Variants in CDIP1 observed in about 807,000 individuals in gnomAD.
CDIP1 encodes the protein cell death-inducing p53-target protein 1.
Under a neutral mutation model 17.7 loss-of-function variants are expected in CDIP1, and 9 were observed. That is an observed-to-expected ratio of 0.51 (90% CI 0.31 to 0.89). CDIP1 has a LOEUF of 0.89. Among genes scored for constraint, CDIP1 ranks in the 40% least tolerant of loss-of-function variants. CDIP1 has a pLI of 0.05. For missense variants in CDIP1, 263 were observed against 277.9 expected, an observed-to-expected ratio of 0.95 and a Z score of 0.38; for synonymous variants, 117 against 109.5, an observed-to-expected ratio of 1.07 and a Z score of -0.43.
chr16:4,531,379 C>G (rs1358883911), intron 1 of CDIP1, among the ~76,000 whole-genome samples: 1 of 151,714 alleles, frequency 6.6e-6, no homozygotes, highest in Non-Finnish European at 1.5e-5. Flanking sequence ...GCCATGGTCT[C>G]AAACTCCTGA....
At chr16:4,526,074 C>T (rs1313310591) in intron 1 of CDIP1, among the ~76,000 whole-genome samples, 1 of 152,208 alleles carries the variant, frequency 6.6e-6, no homozygotes, top group Non-Finnish European at 1.5e-5. Context: ...CCCAACCCTA[C>T]ATGCTCCTCC....
At position 4,527,512 on chromosome 16, in the gene CDIP1, T is replaced by G. The variant is rs146738997; in HGVS notation, c.-105+11190A>C. On this transcript the variant is annotated intron_variant, in intron 1 of 5. Coordinates refer to ENST00000567695, the MANE Select transcript of CDIP1 (RefSeq NM_013399.3). ...GACAATTACTGTGCAATTTATATCA[T>G]GCTGAATTTTAGTAAAACCTCCTGG... is the stretch of plus-strand genomic sequence containing the variant. Among the ~76,000 whole-genome samples the G allele has an allele frequency of 2.2e-3, 339 of 152,218 alleles. 2 individuals carry two copies. The highest frequency in any genetic ancestry group is 7.8e-3 in the African/African-American group (323 of 41,460).
rs138495846 is a variant in CDIP1, at chr16:4,528,359, G to A, written c.-105+10343C>T. ...CTCGCTAAGAGCTGGGATTACAGGC[G>A]TGAGCCACTGCACTCTTCCATAACA... On this transcript the variant is annotated intron_variant, in intron 1 of 5. Coordinates refer to ENST00000567695, the MANE Select transcript of CDIP1 (RefSeq NM_013399.3). 7.8e-4 allele frequency among the ~76,000 whole-genome samples: 119 copies of A among 152,242 alleles called. 4 individuals carry two copies. The East Asian group carries it at 0.022, about 28-fold the overall frequency.
chr16:4,518,172 G>A (rs996321418), intron 1 of CDIP1, among the ~76,000 whole-genome samples: 3 of 152,180 alleles, frequency 2.0e-5, no homozygotes, highest in African/African-American at 4.8e-5. Flanking sequence ...ACACACACGT[G>A]TGCACACACA....
At chr16:4,518,435 G>A (rs1000546731) in intron 1 of CDIP1, among the ~76,000 whole-genome samples, 4 of 152,196 alleles carry the variant, frequency 2.6e-5, no homozygotes, top group Admixed American at 6.5e-5. Context: ...CCTCCAGCTC[G>A]ATGGCCACAC....
At chr16:4,537,744 T>G (rs1386438493) in intron 1 of CDIP1, among the ~76,000 whole-genome samples, 1 of 152,238 alleles carries the variant, frequency 6.6e-6, no homozygotes, top group African/African-American at 2.4e-5. Context: ...CAGGTGGTTC[T>G]GACGCAGAGG....
rs1000656835 is a variant in CDIP1, at chr16:4,512,751, C to G, written c.515+40G>C. 1.9e-6 allele frequency: 3 copies of G among 1,601,188 alleles called. No individual in the cohort carries two copies. The highest frequency in any genetic ancestry group is 3.4e-5 in the Admixed American group (2 of 58,276). On this transcript the variant is annotated intron_variant, in intron 5 of 5. Coordinates refer to ENST00000567695, the MANE Select transcript of CDIP1 (RefSeq NM_013399.3). This position sits in a 1 kb window ranked among gnomAD's most constrained non-coding sequence, Gnocchi z 4.6. ...AGGAGGCAGAGGCAGCCAGTTGACC[C>G]TGGTGCAGCCCCCACCCTACCAGTG...
rs1187708331 is a variant in CDIP1 at position 4,514,725 on chromosome 16, C to A, written c.-104-61G>T. Reference sequence around the variant, plus strand: ...GGGAGCAAGGGCTGCCAAGCCAGGGCTGGGCCCAGGGGCCTGGGCATACCA... The same window carrying A: ...GGGAGCAAGGGCTGCCAAGCCAGGGATGGGCCCAGGGGCCTGGGCATACCA... On this transcript the variant is annotated intron_variant, in intron 1 of 5. Coordinates refer to ENST00000567695, the MANE Select transcript of CDIP1 (RefSeq NM_013399.3). This position sits in a 1 kb window ranked among gnomAD's most constrained non-coding sequence, Gnocchi z 5.2. 1.3e-5 allele frequency: 2 copies of A among 152,904 alleles called. No homozygotes were observed. The highest frequency in any genetic ancestry group is 6.5e-5 in the Admixed American group (1 of 15,290). The allele number at this position is 152,904 out of a possible 1,614,324, so 9.5% of individuals were successfully genotyped here.
chr16:4,530,310 T>C (rs967313121), intron 1 of CDIP1, among the ~76,000 whole-genome samples: 2 of 152,232 alleles, frequency 1.3e-5, no homozygotes, highest in Non-Finnish European at 2.9e-5. Context: ...CTTACATTGG[T>C]TGGGTGTGAA....
intron 1 of CDIP1, among the ~76,000 whole-genome samples, chr16:4,515,936 C>T (rs189977832): frequency 3.9e-5 from 6 of 152,110 alleles, no homozygotes; most frequent in African/African-American, 1.4e-4. Flanking sequence ...GTTATCTGCC[C>T]AAAAGAAATG....
At chr16:4,525,526 C>G (rs972977919) in intron 1 of CDIP1, among the ~76,000 whole-genome samples, 1 of 152,190 alleles carries the variant, frequency 6.6e-6, no homozygotes, top group African/African-American at 2.4e-5. Context: ...TGAGACTGCT[C>G]CTGGGCCCCA....
intron 1 of CDIP1, among the ~76,000 whole-genome samples, chr16:4,518,075 A>G (rs747563554): frequency 6.6e-6 from 1 of 152,204 alleles, no homozygotes; most frequent in Non-Finnish European, 1.5e-5. Flanking sequence ...TGCTCTGAGC[A>G]GACCAGGAAA....
At chr16:4,515,332 C>G (rs774552593) in intron 1 of CDIP1, among the ~76,000 whole-genome samples, 7 of 152,088 alleles carry the variant, frequency 4.6e-5, no homozygotes, top group Non-Finnish European at 1.0e-4. Flanking sequence ...CTATAAAGTA[C>G]CATGGAAGTT....
chr16:4,513,989 C>A lies in CDIP1; in HGVS notation c.85+57G>T. The A allele has an allele frequency of 7.4e-7, 1 of 1,355,504 alleles. No homozygotes were observed. Among genetic ancestry groups the A allele is most frequent in the Non-Finnish European group, 1.0e-6 (1 of 1,002,532 alleles). 84.0% of individuals were successfully genotyped at this position (1,355,504 alleles called of 1,614,324 possible). On this transcript the variant is annotated intron_variant, in intron 3 of 5. Coordinates refer to ENST00000567695, the MANE Select transcript of CDIP1 (RefSeq NM_013399.3). This position sits in a 1 kb window ranked among gnomAD's most constrained non-coding sequence, Gnocchi z 4.1. ...GGCATCACCACTTAGAGAGTCCCAACCATGCCATGGCGGCAGGGGGCTGCA... is the reference window on the plus strand; with the variant it reads ...GGCATCACCACTTAGAGAGTCCCAAACATGCCATGGCGGCAGGGGGCTGCA...
chr16:4,520,121 T>G (rs1567416155), intron 1 of CDIP1, among the ~76,000 whole-genome samples: 1 of 151,934 alleles, frequency 6.6e-6, no homozygotes, highest in African/African-American at 2.4e-5. Context: ...TGGTAGGTTT[T>G]TTTTTTTTTT....
At position 4,512,552 on chromosome 16, in the gene CDIP1, A is replaced by G; in HGVS notation, c.*20T>C. 2 of 1,552,628 alleles carry G rather than the reference A, an allele frequency of 1.3e-6. No homozygotes were observed. Among genetic ancestry groups the G allele is most frequent in the Non-Finnish European group, 8.9e-7 (1 of 1,125,024 alleles). ...AGGGGGCCAGACTGACAGGCGGGGG[A>G]GTCCCGAGTCCCAGCTCCGTTAGCA... On this transcript the variant is annotated 3_prime_UTR_variant, in exon 6 of 6. Transcript: ENST00000567695. This position sits in a 1 kb window ranked among gnomAD's most constrained non-coding sequence, Gnocchi z 4.6.
intron 1 of CDIP1, chr16:4,532,156 G>C (rs979448660): frequency 6.6e-6 from 1 of 152,222 alleles, no homozygotes; most frequent in Non-Finnish European, 1.5e-5. Flanking sequence ...AGGCAATGAC[G>C]GAGCACATGA....
Position 4,514,463 on chromosome 16 carries a change from C to A in CDIP1, c.-15+112G>T, listed in dbSNP as rs558381069. 1 of 311,922 alleles carries A rather than the reference C, an allele frequency of 3.2e-6. No individual in the cohort carries two copies. Among genetic ancestry groups the A allele is most frequent in the Non-Finnish European group, 5.8e-6 (1 of 171,032 alleles). 19.3% of individuals were successfully genotyped at this position (311,922 alleles called of 1,614,324 possible). ...GCCCCACACGAGAGCAGTTTGGCAC[C>A]GAGCTCTCCCCTCCCCAAACGTTTA... On this transcript the variant is annotated intron_variant, in intron 2 of 5. Transcript: ENST00000567695. The surrounding 1 kb of genome is among the most constrained non-coding windows in gnomAD (Gnocchi z 5.2).
chr16:4,528,926 T>C (rs547559090), intron 1 of CDIP1, among the ~76,000 whole-genome samples: 2 of 151,930 alleles, frequency 1.3e-5, no homozygotes, highest in Admixed American at 6.6e-5. Flanking sequence ...GAGGCAGAGG[T>C]TGCAGTAAGC....
Sources: allele counts gnomAD v4.1 joint callset (sites outside exome capture counted in the v4.1 genomes callset), GRCh38; gene constraint gnomAD v4.1.1; non-coding constraint Gnocchi (gnomAD v3.1); transcripts MANE v1.5; gene names NCBI Gene and HGNC (gene_info 2026-07-23, HGNC 2026-07-21).